CTTNBP2: variants seen among roughly 807,000 people sequenced by gnomAD.
The protein encoded by CTTNBP2 is cortactin-binding protein 2.
CTTNBP2 carries 108 observed loss-of-function variants against 156.9 expected under a neutral mutation model. That is an observed-to-expected ratio of 0.69 (90% CI 0.59 to 0.81). The LOEUF (loss-of-function observed/expected upper bound fraction) is 0.81, where lower values mean the gene tolerates loss of function less well. Among genes scored for constraint, CTTNBP2 ranks in the 30% least tolerant of loss-of-function variants. CTTNBP2 has a pLI of 0.00. For missense variants in CTTNBP2, 1,924 were observed against 2,035.4 expected, an observed-to-expected ratio of 0.95 and a Z score of 1.05; for synonymous variants, 767 against 751.8, an observed-to-expected ratio of 1.02 and a Z score of -0.33.
In CTTNBP2 at chr7:117,719,501, C is replaced by T. The variant is rs749152010; in HGVS notation, c.4644+3G>A. 29 of 1,613,166 alleles carry T rather than the reference C, an allele frequency of 1.8e-5. No individual in the cohort carries two copies. Among genetic ancestry groups the T allele is most frequent in the Non-Finnish European group, 2.2e-5 (26 of 1,179,514 alleles). On this transcript the variant is annotated splice_donor_region_variant and intron_variant, in intron 21 of 22. Coordinates refer to ENST00000160373, the MANE Select transcript of CTTNBP2 (RefSeq NM_033427.3). ...TTCAATGCCCCCCATTTGTACTGCT[C>T]ACCTTGCTGATATCAGACTCAGACT...
chr7:117,854,113 CAA>C (rs1803102377), intron 2 of CTTNBP2, among the ~76,000 whole-genome samples: 1 of 152,166 alleles, frequency 6.6e-6, no homozygotes, highest in Non-Finnish European at 1.5e-5. Context: ...AGAAACAACA[CAA>C]AATCTGGTCA....
At chr7:117,867,448 T>TCTCTATTAA (rs1804278260) in intron 1 of CTTNBP2, among the ~76,000 whole-genome samples, 1 of 152,222 alleles carries the variant, frequency 6.6e-6, no homozygotes, top group South Asian at 2.1e-4. Flanking sequence ...AAACTTATTA[T>TCTCTATTAA]CTCTATTAAC....
chr7:117,847,867 G>A (rs569381341), intron 2 of CTTNBP2, among the ~76,000 whole-genome samples: 81 of 125,886 alleles, frequency 6.4e-4, no homozygotes, highest in African/African-American at 2.3e-3. Context: ...GAGTCTTGCC[G>A]GAGGGCAGTG....
rs543182284 is a variant in CTTNBP2 at position 117,783,139 on chromosome 7, A to C, written c.2273-178T>G. 2.6e-5 allele frequency among the ~76,000 whole-genome samples: 4 copies of C among 152,242 alleles called. No individual in the cohort carries two copies. The South Asian group carries it at 6.2e-4, about 24-fold the overall frequency. On this transcript the variant is annotated intron_variant, in intron 5 of 22. Transcript: ENST00000160373. ...AGACTATTTTACAGGAAAAGCAGCC[A>C]ATTTTCCCAAAGATTATAATACCCC... is the stretch of plus-strand genomic sequence containing the variant.
chr7:117,836,302 C>T (rs763318801), intron 2 of CTTNBP2, among the ~76,000 whole-genome samples: 10 of 152,312 alleles, frequency 6.6e-5, no homozygotes, highest in East Asian at 1.9e-4. Context: ...CGGTGGCTCA[C>T]GCCTGTAATC....
chr7:117,847,835 T>G (rs1224197948), intron 2 of CTTNBP2, among the ~76,000 whole-genome samples: 91 of 68,106 alleles, frequency 1.3e-3, no homozygotes, highest in African/African-American at 4.2e-3. Flanking sequence ...TTTTTTTTTT[T>G]TTTTTTTTTT....
chr7:117,835,428 C>G (rs750794192), intron 2 of CTTNBP2, among the ~76,000 whole-genome samples: 10 of 152,224 alleles, frequency 6.6e-5, no homozygotes, highest in Non-Finnish European at 1.2e-4. Context: ...CAGCCAATCA[C>G]AGCAGCCAAA....
Position 117,725,042 on chromosome 7 carries a change from A to G in CTTNBP2, c.4261+10T>C. 1 of 1,611,146 alleles carries G rather than the reference A, an allele frequency of 6.2e-7. No homozygotes were observed. Among genetic ancestry groups the G allele is most frequent in the Non-Finnish European group, 8.5e-7 (1 of 1,178,994 alleles). On this transcript the variant is annotated intron_variant, in intron 18 of 22. Transcript: ENST00000160373. The stretch of plus-strand genomic sequence containing the variant: ...TGAATTTCCTCTCCTCTCTGCAGAA[A>G]CCCACATACCTGCTCTGGGGAGGGG...
intron 2 of CTTNBP2, among the ~76,000 whole-genome samples, chr7:117,856,438 G>C (rs1470625735): frequency 6.6e-6 from 1 of 152,206 alleles, no homozygotes. Context: ...TGTTATGTGA[G>C]AGAAATGAAC....
chr7:117,717,390 C>CTAAT (rs554462092), intron 22 of CTTNBP2, among the ~76,000 whole-genome samples: 24 of 150,870 alleles, frequency 1.6e-4, no homozygotes, highest in African/African-American at 5.8e-4. Flanking sequence ...ATAATTAACT[C>CTAAT]TAATTTTCTA....
intron 4 of CTTNBP2, among the ~76,000 whole-genome samples, chr7:117,790,479 CTA>C (rs755529712): frequency 3.1e-4 from 47 of 152,038 alleles, no homozygotes; most frequent in Non-Finnish European, 5.7e-4. Context: ...AGCCCACATG[CTA>C]TGTTAACCAT....
chr7:117,766,105 T>C (rs1190939007), intron 9 of CTTNBP2, among the ~76,000 whole-genome samples: 1 of 152,222 alleles, frequency 6.6e-6, no homozygotes, highest in African/African-American at 2.4e-5. Flanking sequence ...AATAAAATTT[T>C]AGCTCAACAG....
At chr7:117,835,762 G>A (rs1801897615) in intron 2 of CTTNBP2, among the ~76,000 whole-genome samples, 1 of 152,296 alleles carries the variant, frequency 6.6e-6, no homozygotes, top group South Asian at 2.1e-4. Flanking sequence ...AGATTATAAG[G>A]ATGCAGAGCC....
chr7:117,788,804 T>G (rs1318522113), intron 4 of CTTNBP2, among the ~76,000 whole-genome samples: 2 of 152,206 alleles, frequency 1.3e-5, no homozygotes, highest in Admixed American at 6.5e-5. Context: ...AGGCCTCCAG[T>G]GCCTCCGTTC....
chr7:117,744,359 A>C (rs1796197993), intron 14 of CTTNBP2, among the ~76,000 whole-genome samples: 1 of 151,884 alleles, frequency 6.6e-6, no homozygotes, highest in South Asian at 2.1e-4. Context: ...TCTGGTAACC[A>C]TCCTTCTACT....
intron 2 of CTTNBP2, among the ~76,000 whole-genome samples, chr7:117,820,749 T>C (rs1034586847): frequency 6.6e-6 from 1 of 152,234 alleles, no homozygotes; most frequent in African/African-American, 2.4e-5. Context: ...CGTTGCTTTA[T>C]AATAAGTGCT....
At chr7:117,796,456 C>G (rs1015482839) in intron 3 of CTTNBP2, among the ~76,000 whole-genome samples, 4 of 151,914 alleles carry the variant, frequency 2.6e-5, no homozygotes, top group African/African-American at 9.7e-5. Context: ...AAATCTTTGA[C>G]CATTTCAGCT....
chr7:117,795,207 A>G (rs749886517), intron 3 of CTTNBP2, among the ~76,000 whole-genome samples: 1 of 151,968 alleles, frequency 6.6e-6, no homozygotes, highest in Non-Finnish European at 1.5e-5. Context: ...CTGTTTTTAT[A>G]TGTATATCTT....
intron 22 of CTTNBP2, among the ~76,000 whole-genome samples, chr7:117,713,044 T>G (rs985343591): frequency 3.3e-5 from 5 of 152,154 alleles, no homozygotes; most frequent in African/African-American, 1.2e-4. Context: ...CTCATAGTAG[T>G]ACAAACCCTC....
Sources: allele counts gnomAD v4.1 joint callset (sites outside exome capture counted in the v4.1 genomes callset), GRCh38; gene constraint gnomAD v4.1.1; transcripts MANE v1.5; gene names NCBI Gene and HGNC (gene_info 2026-07-23, HGNC 2026-07-21).